DCP2: variants seen among roughly 807,000 people sequenced by gnomAD.
The protein encoded by DCP2 is decapping mRNA 2, also known as m7GpppN-mRNA hydrolase.
A neutral mutation model predicts 56.1 loss-of-function variants in DCP2; 30 were observed. That is an observed-to-expected ratio of 0.53 (90% confidence interval 0.40 to 0.73). The LOEUF (loss-of-function observed/expected upper bound fraction) is 0.73, where lower values mean the gene tolerates loss of function less well. Ranked by LOEUF, DCP2 falls within the 30% of genes least tolerant of loss-of-function variation. The probability of loss-of-function intolerance (pLI) is 0.00; values close to 1 mark genes in which losing one functional copy is unlikely to be tolerated. For synonymous variants in DCP2, 197 were observed against 163.3 expected (o/e 1.21, Z -1.57); for missense variants, 533 against 502.7 (o/e 1.06, Z -0.58).
Position 112,992,125 on chromosome 5 carries a change from C to A in DCP2, c.210C>A (p.Phe70Leu). Residue 70 changes from phenylalanine (F) to leucine (L), a missense_variant, in exon 3 of 11, where the codon TTC (phenylalanine) becomes TTA (leucine). Transcript: ENST00000389063. ...CGIRDFAKAV[F>L]SHCPFLLPQG... is the part of the protein sequence containing the mutation. ...CTTCCTTGACACTATTTATACTCTT[C>A]AGTCATTGTCCGTTTTTGCTGCCTC... 6.2e-7 allele frequency: 1 copy of A among 1,613,736 alleles called. No individual in the cohort carries two copies. The highest frequency in any genetic ancestry group is 8.5e-7 in the Non-Finnish European group (1 of 1,179,942).
rs200973942 is a variant in DCP2, at chr5:113,001,478, A to C, written c.698+9A>C. Reference sequence around the variant, plus strand: ...GCCATTCCCTTTATCAGGTGTGTTCATATTTCTTGAAATGTAACTTTCATG... The same window carrying C: ...GCCATTCCCTTTATCAGGTGTGTTCCTATTTCTTGAAATGTAACTTTCATG... On this transcript the variant is annotated intron_variant, in intron 6 of 10. Transcript: ENST00000389063. 6.2e-7 allele frequency: 1 copy of C among 1,611,054 alleles called. No individual in the cohort carries two copies. Among genetic ancestry groups the C allele is most frequent in the East Asian group, 2.2e-5 (1 of 44,864 alleles).
intron 9 of DCP2, chr5:113,008,255 T>G: frequency 2.4e-6 from 1 of 412,948 alleles, no homozygotes; most frequent in Non-Finnish European, 4.3e-6. Context: ...ATTGTACATC[T>G]AATTTTTTAT....
chr5:112,983,698 G>A (rs1224365250), intron 1 of DCP2, among the ~76,000 whole-genome samples: 1 of 149,930 alleles, frequency 6.7e-6, no homozygotes, highest in Non-Finnish European at 1.5e-5. Flanking sequence ...CCAGACTGGG[G>A]AAAAAAAAAG....
rs760057225 is a variant in DCP2, at chr5:113,001,373, C to G, written c.602C>G (p.Ser201Cys). The G allele has an allele frequency of 1.2e-6, 2 of 1,613,160 alleles. No homozygotes were observed. Among genetic ancestry groups the G allele is most frequent in the South Asian group, 2.2e-5 (2 of 90,714 alleles). ...RREIRNIEWFSIEKLPCHRND... is the reference protein window; with the variant it reads ...RREIRNIEWFCIEKLPCHRND... ...GTGTTTCAGAACATTGAGTGGTTCT[C>G]TATTGAGAAATTGCCTTGTCATAGA... The change falls in exon 6 of 11, where the codon TCT becomes TGT. Residue 201 changes from serine to cysteine, a missense_variant. Ser to Cys is a moderately radical substitution (Grantham distance 112). Transcript: ENST00000389063.
chr5:112,987,620 C>CTTTTTTTTTTTCT (rs1748357370), intron 2 of DCP2, among the ~76,000 whole-genome samples: 1 of 69,736 alleles, frequency 1.4e-5, no homozygotes, highest in African/African-American at 6.2e-5. Context: ...ACCTAGGTGC[C>CTTTTTTTTTTTCT]TTTTTTTTTT....
intron 4 of DCP2, among the ~76,000 whole-genome samples, chr5:112,994,215 A>T (rs1370421850): frequency 3.4e-5 from 4 of 118,968 alleles, no homozygotes; most frequent in Admixed American, 1.1e-4. Flanking sequence ...TCTGTTACTG[A>T]GGCTGGAGTA....
chr5:113,009,643 A>C (rs1220920684), intron 9 of DCP2, among the ~76,000 whole-genome samples: 3 of 145,870 alleles, frequency 2.1e-5, no homozygotes, highest in African/African-American at 7.6e-5. Flanking sequence ...GTGGAAAACA[A>C]ATATTGAAGA....
intron 9 of DCP2, among the ~76,000 whole-genome samples, chr5:113,009,271 T>C (rs1278512148): frequency 6.6e-6 from 1 of 152,260 alleles, no homozygotes; most frequent in Non-Finnish European, 1.5e-5. Flanking sequence ...ACTCTCACAT[T>C]TGTCTAGAAG....
intron 1 of DCP2, among the ~76,000 whole-genome samples, chr5:112,979,656 C>T (rs899498059): frequency 1.3e-5 from 2 of 152,120 alleles, no homozygotes; most frequent in Non-Finnish European, 1.5e-5. Context: ...TGGAGAGCAG[C>T]AGACTTAAAT....
At chr5:113,012,638 CTTATTTTTT>C (rs935995416) in intron 10 of DCP2, among the ~76,000 whole-genome samples, 1 of 151,742 alleles carries the variant, frequency 6.6e-6, no homozygotes, top group African/African-American at 2.4e-5. Context: ...TCTTTTTTTT[CTTATTTTTT>C]TCTTTTGTTT....
chr5:112,998,773 A>G (rs1013572094), intron 4 of DCP2, among the ~76,000 whole-genome samples: 3 of 152,252 alleles, frequency 2.0e-5, no homozygotes, highest in African/African-American at 4.8e-5. Context: ...TTGCTGAATT[A>G]TTTAAGAGTA....
chr5:112,977,211 G>A (rs1369217645), intron 1 of DCP2, among the ~76,000 whole-genome samples: 3 of 152,018 alleles, frequency 2.0e-5, no homozygotes, highest in Non-Finnish European at 4.4e-5. Flanking sequence ...CAGAACACCC[G>A]GAATTTCCTC....
At chr5:112,981,803 G>C (rs777364861) in intron 1 of DCP2, among the ~76,000 whole-genome samples, 2 of 152,112 alleles carry the variant, frequency 1.3e-5, no homozygotes, top group Non-Finnish European at 2.9e-5. Context: ...ACGGAGTCTT[G>C]CTCGTTTGCC....
At chr5:112,999,887 C>A (rs1749060770) in intron 4 of DCP2, among the ~76,000 whole-genome samples, 1 of 151,106 alleles carries the variant, frequency 6.6e-6, no homozygotes, top group African/African-American at 2.4e-5. Flanking sequence ...ATGGTGAAAC[C>A]CTGTCTCTAC....
intron 2 of DCP2, among the ~76,000 whole-genome samples, chr5:112,988,615 A>G (rs1045324730): frequency 3.3e-5 from 5 of 152,020 alleles, no homozygotes; most frequent in African/African-American, 1.2e-4. Flanking sequence ...GAAAACACTG[A>G]TGGGAGACAG....
intron 4 of DCP2, among the ~76,000 whole-genome samples, chr5:112,999,208 T>C (rs760499252): frequency 1.2e-4 from 18 of 152,238 alleles, no homozygotes; most frequent in Non-Finnish European, 2.2e-4. Context: ...TGCAGATTCA[T>C]ATGACTAGCT....
chr5:113,004,823 T>C (rs531255777), intron 8 of DCP2, among the ~76,000 whole-genome samples: 1 of 151,856 alleles, frequency 6.6e-6, no homozygotes. Flanking sequence ...TTTTTTTTTT[T>C]ATTTTAAAAA....
chr5:113,005,151 G>GGT (rs56389236), intron 8 of DCP2, among the ~76,000 whole-genome samples: 9 of 149,524 alleles, frequency 6.0e-5, no homozygotes, highest in African/African-American at 1.2e-4. Flanking sequence ...TGTGCGTGTG[G>GGT]GTGTGTGTGT....
At chr5:112,978,704 G>C (rs1207337348) in intron 1 of DCP2, among the ~76,000 whole-genome samples, 2 of 149,236 alleles carry the variant, frequency 1.3e-5, no homozygotes, top group Non-Finnish European at 3.0e-5. Flanking sequence ...AAAGGAAAAA[G>C]AAACTGAATT....
Sources: allele counts gnomAD v4.1 joint callset (sites outside exome capture counted in the v4.1 genomes callset), GRCh38; gene constraint gnomAD v4.1.1; transcripts MANE v1.5; gene names NCBI Gene and HGNC (gene_info 2026-07-23, HGNC 2026-07-21).